The following PHF6 variants were observed in gnomAD, a reference collection of about 807,000 sequenced individuals.
The protein encoded by PHF6 is PHD finger protein 6.
A neutral mutation model predicts 34.0 loss-of-function variants in PHF6; 7 were observed. The observed-to-expected ratio is 0.21, with a 90% CI of 0.12 to 0.39. PHF6 has a LOEUF of 0.39. PHF6 is among the 10% of genes least tolerant of loss of function. PHF6 has a pLI of 1.00. For missense variants in PHF6, 128 were observed against 262.8 expected, an observed-to-expected ratio of 0.49 and a Z score of 3.55; for synonymous variants, 89 against 88.4, an observed-to-expected ratio of 1.01 and a Z score of -0.04.
chrX:134,424,042 A>G (rs1450638426), intron 9 of PHF6, among the ~76,000 whole-genome samples: 1 of 109,242 alleles, frequency 9.2e-6, no homozygotes, highest in Non-Finnish European at 1.9e-5. Flanking sequence ...GCACACCAAC[A>G]TGGCACATGT....
intron 5 of PHF6, among the ~76,000 whole-genome samples, chrX:134,401,293 C>T (rs1299941070): frequency 2.7e-5 from 3 of 111,689 alleles, no homozygotes; most frequent in Non-Finnish European, 5.6e-5. Flanking sequence ...GTTCTCACAT[C>T]ATTTAACAGT....
At chrX:134,399,954 C>T (rs2077396175) in intron 5 of PHF6, among the ~76,000 whole-genome samples, 1 of 111,880 alleles carries the variant, frequency 8.9e-6, no homozygotes, top group Non-Finnish European at 1.9e-5. Flanking sequence ...CTCTGGCAAC[C>T]ACTGATACTG....
intron 8 of PHF6, among the ~76,000 whole-genome samples, chrX:134,416,278 C>T (rs746294823): frequency 7.2e-5 from 8 of 111,369 alleles, no homozygotes; most frequent in African/African-American, 2.6e-4. Flanking sequence ...CGTAACAGAG[C>T]CTGTAGTACT....
chrX:134,384,385 C>T (rs754718579), intron 3 of PHF6, among the ~76,000 whole-genome samples: 2 of 111,333 alleles, frequency 1.8e-5, no homozygotes, highest in South Asian at 3.8e-4. Context: ...CAGGATTTTT[C>T]AGGAGACAGG....
chrX:134,409,743 T>A (rs1403616303), intron 5 of PHF6, among the ~76,000 whole-genome samples: 1 of 109,377 alleles, frequency 9.1e-6, no homozygotes, highest in Non-Finnish European at 1.9e-5. Context: ...GGAGTATGAA[T>A]GATGCCATTA....
chrX:134,424,310 T>A (rs987491642), intron 9 of PHF6, among the ~76,000 whole-genome samples: 4 of 111,552 alleles, frequency 3.6e-5, no homozygotes, highest in African/African-American at 9.8e-5. Context: ...GGGGAAAACC[T>A]ACCTTTACAA....
chrX:134,388,704 G>A (rs1314749393), intron 3 of PHF6, among the ~76,000 whole-genome samples: 1 of 111,557 alleles, frequency 9.0e-6, no homozygotes, highest in African/African-American at 3.3e-5. Flanking sequence ...CGTAGAAGTT[G>A]GCAATCTCAT....
intron 5 of PHF6, among the ~76,000 whole-genome samples, chrX:134,399,148 C>G (rs1056990027): frequency 4.5e-5 from 5 of 111,573 alleles, no homozygotes; most frequent in Admixed American, 3.8e-4. Context: ...AGAGTAGTTC[C>G]TGAAGGAACC....
At chrX:134,425,098 A>T in intron 9 of PHF6, 103 bp from the exon 10 acceptor site, 1 of 1,001,210 alleles carries the variant, frequency 1.0e-6, no homozygotes, top group Non-Finnish European at 1.4e-6. Context: ...TGGATGAGGA[A>T]ACCCATGTTT....
intron 5 of PHF6, among the ~76,000 whole-genome samples, 160 bp downstream of exon 5, chrX:134,394,112 T>G (rs2077366387): frequency 9.0e-6 from 1 of 110,803 alleles, no homozygotes; most frequent in Admixed American, 9.6e-5. Context: ...CTAATGTGCA[T>G]AGTGAAAAAG....
intron 1 of PHF6, among the ~76,000 whole-genome samples, chrX:134,376,923 TTTTA>T (rs1329590015): frequency 6.2e-5 from 7 of 112,166 alleles, no homozygotes; most frequent in Admixed American, 4.7e-4. Flanking sequence ...TTCGTTTTAC[TTTTA>T]TTGTTTTATC....
chrX:134,388,223 G>T (rs1813841072), intron 3 of PHF6, among the ~76,000 whole-genome samples: 1 of 111,611 alleles, frequency 9.0e-6, no homozygotes, highest in African/African-American at 3.3e-5. Context: ...CATTTTTGGG[G>T]CATCTCTGAA....
At chrX:134,380,383 C>T (rs2077301825) in intron 3 of PHF6, among the ~76,000 whole-genome samples, 1 of 110,639 alleles carries the variant, frequency 9.0e-6, no homozygotes, top group Non-Finnish European at 1.9e-5. Flanking sequence ...ACCTACCTGC[C>T]TCGGCCTCCC....
At position 134,385,249 on chromosome X, in the gene PHF6, C is replaced by G. The variant is rs1023938156; in HGVS notation, c.240+7143C>G. Among the ~76,000 whole-genome samples, 4 of 111,199 alleles carry G rather than the reference C, an allele frequency of 3.6e-5. No homozygotes were observed. The East Asian group carries it at 1.1e-3, about 32-fold the overall frequency. On this transcript the variant is annotated intron_variant, in intron 3 of 10. Coordinates refer to ENST00000370803, the MANE Select transcript of PHF6 (RefSeq NM_001015877.2). Reference sequence around the variant, plus strand: ...TACTGATGTTCACCTCTGCTTGCGGCTCTTTTTTCCTCCTAGCTGCCTCTC... The same window carrying G: ...TACTGATGTTCACCTCTGCTTGCGGGTCTTTTTTCCTCCTAGCTGCCTCTC...
intron 3 of PHF6, among the ~76,000 whole-genome samples, chrX:134,382,878 A>G (rs887877089): frequency 9.0e-6 from 1 of 110,673 alleles, no homozygotes; most frequent in Non-Finnish European, 1.9e-5. Flanking sequence ...GATTACAAGA[A>G]GAGAAAGAGT....
intron 6 of PHF6, 63 bp downstream of exon 6, chrX:134,413,720 T>C: frequency 8.4e-7 from 1 of 1,188,095 alleles, no homozygotes; most frequent in Non-Finnish European, 1.1e-6. Context: ...ATTTAAACTA[T>C]CTATAGGTAA....
At position 134,426,075 on chromosome X, in the gene PHF6, A is replaced by C. The variant is rs1009864474; in HGVS notation, c.*415A>C. On this transcript the variant is annotated 3_prime_UTR_variant, in exon 11 of 11. Coordinates refer to ENST00000370803, the MANE Select transcript of PHF6 (RefSeq NM_001015877.2). ...ATGCAAACATGCCACTGGTGGCAGC[A>C]CATGGTAATTTGTGGATTTTTTTTT... 5 of 145,315 alleles carry C rather than the reference A, an allele frequency of 3.4e-5. 1 individual carries two copies. Among genetic ancestry groups the C allele is most frequent in the African/African-American group, 1.2e-4 (3 of 24,855 alleles). The allele number at this position is 145,315 out of a possible 1,213,427, so 12.0% of individuals were successfully genotyped here. A position where few individuals can be genotyped will look rare whatever the true frequency, so the allele number is the denominator to read the frequency against.
chrX:134,374,440 C>T (rs2077270089), intron 1 of PHF6, among the ~76,000 whole-genome samples: 1 of 111,917 alleles, frequency 8.9e-6, no homozygotes, highest in Non-Finnish European at 1.9e-5. Flanking sequence ...ATTCAGGTGC[C>T]CTTCCGGTAC....
intron 9 of PHF6, among the ~76,000 whole-genome samples, chrX:134,421,829 A>G (rs1472773543): frequency 1.9e-5 from 2 of 105,935 alleles, no homozygotes; most frequent in Non-Finnish European, 3.9e-5. Context: ...AAAAAAAAAG[A>G]TTTTCTTATC....
Sources: allele counts gnomAD v4.1 joint callset (sites outside exome capture counted in the v4.1 genomes callset), GRCh38; gene constraint gnomAD v4.1.1; transcripts MANE v1.5; gene names NCBI Gene and HGNC (gene_info 2026-07-23, HGNC 2026-07-21).